Variants in TOX2 observed in about 807,000 individuals in gnomAD.
TOX2 encodes the protein granulosa cell HMG box 1.
TOX2 carries 15 observed loss-of-function variants against 47.4 expected under a neutral mutation model. That is an observed-to-expected ratio of 0.32 (90% confidence interval 0.21 to 0.49). The LOEUF is 0.49. TOX2 is among the 20% of genes least tolerant of loss of function. The pLI, the probability that TOX2 is intolerant of heterozygous loss-of-function variation, is 0.99. For missense variants in TOX2, 622 were observed against 673.1 expected (o/e 0.92, Z 0.84); for synonymous variants, 290 against 296.6 (o/e 0.98, Z 0.23).
intron 1 of TOX2, among the ~76,000 whole-genome samples, chr20:43,952,873 T>G: frequency 6.6e-6 from 1 of 152,112 alleles, no homozygotes; most frequent in East Asian, 1.9e-4. Context: ...CTTTGAAACC[T>G]GTGTATGTTA....
intron 3 of TOX2, among the ~76,000 whole-genome samples, chr20:44,028,059 G>C (rs1031451683): frequency 2.6e-5 from 4 of 152,212 alleles, no homozygotes; most frequent in Non-Finnish European, 4.4e-5. Flanking sequence ...CACACAACCA[G>C]AGCCATGTAC....
chr20:43,964,138 G>T (rs2069809381), intron 1 of TOX2, among the ~76,000 whole-genome samples: 1 of 151,918 alleles, frequency 6.6e-6, no homozygotes. Context: ...ACAAGCCCAG[G>T]ATTTGAACCC....
At chr20:43,973,791 A>C (rs2070022138) in intron 2 of TOX2, among the ~76,000 whole-genome samples, 1 of 152,128 alleles carries the variant, frequency 6.6e-6, no homozygotes, top group Non-Finnish European at 1.5e-5. Flanking sequence ...ACCCACGGGG[A>C]CATGTTCTGG....
chr20:43,985,576 T>G, intron 2 of TOX2, among the ~76,000 whole-genome samples: 1 of 152,198 alleles, frequency 6.6e-6, no homozygotes, highest in South Asian at 2.1e-4. Context: ...TGTGTTTATA[T>G]CCAAAGTGGT....
chr20:43,991,536 G>A (rs1382253166), intron 2 of TOX2, among the ~76,000 whole-genome samples: 1 of 151,954 alleles, frequency 6.6e-6, no homozygotes, highest in Non-Finnish European at 1.5e-5. Context: ...TATGTGCAAG[G>A]TACTATCCTT....
At chr20:44,028,082 A>G (rs1161462946) in intron 3 of TOX2, among the ~76,000 whole-genome samples, 1 of 152,232 alleles carries the variant, frequency 6.6e-6, no homozygotes, top group Non-Finnish European at 1.5e-5. Context: ...ACTCAGCCGA[A>G]GGTACGACTA....
At chr20:44,014,054 C>T (rs983605933) in intron 3 of TOX2, among the ~76,000 whole-genome samples, 5 of 132,868 alleles carry the variant, frequency 3.8e-5, no homozygotes, top group Non-Finnish European at 6.2e-5. Flanking sequence ...CACTTGGACC[C>T]GGGAAGCCAA....
intron 1 of TOX2, among the ~76,000 whole-genome samples, chr20:43,923,030 T>A (rs373785739): frequency 7.0e-6 from 1 of 142,146 alleles, no homozygotes; most frequent in East Asian, 2.1e-4. Context: ...ACAATGGCAG[T>A]CTTACAGGAA....
chr20:43,921,902 A>G (rs572924305), intron 1 of TOX2, among the ~76,000 whole-genome samples: 1 of 152,318 alleles, frequency 6.6e-6, no homozygotes, highest in East Asian at 1.9e-4. Flanking sequence ...CTCTGGGTTG[A>G]AGGAGCCTCT....
At chr20:43,953,390 C>T (rs772323356) in intron 1 of TOX2, among the ~76,000 whole-genome samples, 2 of 152,182 alleles carry the variant, frequency 1.3e-5, no homozygotes, top group Non-Finnish European at 2.9e-5. Flanking sequence ...TCTGTTGTGG[C>T]GCCCCTTGTA....
intron 3 of TOX2, among the ~76,000 whole-genome samples, chr20:44,014,911 C>T (rs997656648): frequency 1.3e-5 from 2 of 152,032 alleles, no homozygotes; most frequent in Non-Finnish European, 2.9e-5. Context: ...CACTTAGGAC[C>T]TCGGTCAGGG....
intron 1 of TOX2, among the ~76,000 whole-genome samples, chr20:43,938,315 C>T (rs1476137520): frequency 6.6e-6 from 1 of 152,222 alleles, no homozygotes; most frequent in African/African-American, 2.4e-5. Context: ...GGATGACCCA[C>T]CGGGACCCCT....
intron 1 of TOX2, among the ~76,000 whole-genome samples, chr20:43,959,689 C>G (rs1381541064): frequency 6.6e-6 from 1 of 152,302 alleles, no homozygotes; most frequent in East Asian, 1.9e-4. Flanking sequence ...CACACTCGTT[C>G]CCCCCACACC....
intron 1 of TOX2, among the ~76,000 whole-genome samples, chr20:43,970,291 G>A (rs192213058): frequency 1.9e-3 from 293 of 152,328 alleles, no homozygotes; most frequent in Middle Eastern, 6.8e-3. Context: ...TTGGATCATC[G>A]TGAGGATTAA....
chr20:43,989,452 C>T (rs1457447089), intron 2 of TOX2, among the ~76,000 whole-genome samples: 3 of 152,110 alleles, frequency 2.0e-5, no homozygotes, highest in Non-Finnish European at 4.4e-5. Flanking sequence ...TTAAGAGTGC[C>T]AATTCATGAG....
chr20:44,044,788 G>A (rs1032176659), intron 3 of TOX2, among the ~76,000 whole-genome samples: 3 of 152,132 alleles, frequency 2.0e-5, no homozygotes, highest in African/African-American at 7.2e-5. Flanking sequence ...GTCTACTCGA[G>A]AGAATTGAAA....
At chr20:43,989,077 C>A (rs2145539177) in intron 2 of TOX2, among the ~76,000 whole-genome samples, 1 of 152,326 alleles carries the variant, frequency 6.6e-6, no homozygotes, top group Middle Eastern at 3.4e-3. Context: ...CATGGACATG[C>A]AGCATCCCCT....
intron 2 of TOX2, among the ~76,000 whole-genome samples, chr20:43,978,562 T>C (rs1196691214): frequency 6.6e-6 from 1 of 152,176 alleles, no homozygotes; most frequent in Non-Finnish European, 1.5e-5. Context: ...AACTTGGTGT[T>C]TTTGTATGCA....
chr20:44,007,700 TGTG>T (rs1267571434), intron 3 of TOX2, among the ~76,000 whole-genome samples: 1 of 151,956 alleles, frequency 6.6e-6, no homozygotes, highest in Non-Finnish European at 1.5e-5. Context: ...ATTAGCCAGG[TGTG>T]GTGGCATGTA....
Sources: gnomAD v4.1 joint callset for allele counts (sites outside exome capture counted in the v4.1 genomes callset) on GRCh38, gnomAD v4.1.1 for gene constraint, MANE v1.5 for transcripts, NCBI Gene and HGNC (gene_info 2026-07-23, HGNC 2026-07-21) for gene names.